ZNF142: variants seen among roughly 807,000 people sequenced by gnomAD.
ZNF142 encodes the protein zinc finger protein 142, also known as zinc finger protein 142 (clone pHZ-49).
Under a neutral mutation model 132.1 loss-of-function variants are expected in ZNF142, and 96 were observed. The ratio of observed to expected loss-of-function variants is 0.73; its 90% CI spans 0.62 to 0.86. The LOEUF is 0.86. ZNF142 is among the 40% of genes least tolerant of loss of function. The pLI, the probability that ZNF142 is intolerant of heterozygous loss-of-function variation, is 0.00. For synonymous variants in ZNF142, 842 were observed against 890.1 expected (o/e 0.95, Z 0.96); for missense variants, 2,163 against 2,336.2 (o/e 0.93, Z 1.53).
Position 218,638,809 on chromosome 2 carries a change from C to T in ZNF142, c.5195-1G>A, listed in dbSNP as rs1241455659. 2 of 1,588,866 alleles carry T rather than the reference C, an allele frequency of 1.3e-6. No individual in the cohort carries two copies. Among genetic ancestry groups the T allele is most frequent in the South Asian group, 2.2e-5 (2 of 89,472 alleles). On this transcript the variant is annotated splice_acceptor_variant, in intron 10 of 10. Transcript: ENST00000411696. LOFTEE classifies it high-confidence loss of function. ...TCGGGACACTGGTATGGCTTCAGTCCTACAGGACAGGGAACAAATCACCAT... is the reference window on the plus strand; with the variant it reads ...TCGGGACACTGGTATGGCTTCAGTCTTACAGGACAGGGAACAAATCACCAT...
rs1483108859 is a variant in ZNF142, at chr2:218,652,197, T to C, written c.384A>G (p.Ile128Met). ...LALHQCSETH[I>M]QPVQGLSSPP... ...GGCTAGAGAGGCCCTGCACAGGCTG[T>C]ATATGGGTCTCACTGCACTGGTGCA... The change falls in exon 5 of 11, where the codon ATA (isoleucine) becomes ATG (methionine). Residue 128 changes from isoleucine (I) to methionine (M), a missense_variant. Transcript: ENST00000411696. The C allele has an allele frequency of 2.2e-6, 1 of 456,516 alleles. No individual in the cohort carries two copies. The highest frequency in any genetic ancestry group is 4.4e-6 in the Non-Finnish European group (1 of 226,934). The allele number at this position is 456,516 out of a possible 1,614,324, so 28.3% of individuals were successfully genotyped here. A position where few individuals can be genotyped will look rare whatever the true frequency, so the allele number is the denominator to read the frequency against.
Position 218,643,575 on chromosome 2 carries a change from A to C in ZNF142, c.3541T>G (p.Phe1181Val), listed in dbSNP as rs1274066154. ...TTTCCTGCAGGAGGGACTGGGTCAA[A>C]GCAGTGCTTCTTAGGGGCCTCTGTG... ...LPTEAPKKHC[F>V]DPVPPAGNSS... Residue 1181 changes from phenylalanine (F) to valine (V), a missense_variant, in exon 9 of 11, where the codon TTT becomes GTT. Around this residue, in one of 7 missense-constraint regions of ZNF142, gnomAD observed 809 missense variants for 801.7 expected, o/e 1.01. Transcript: ENST00000411696. The C allele has an allele frequency of 1.3e-6, 2 of 1,589,638 alleles. No individual in the cohort carries two copies. The highest frequency in any genetic ancestry group is 2.7e-5 in the African/African-American group (2 of 73,954).
rs752060597 is a variant in ZNF142, at chr2:218,646,339, G to A, written c.1883C>T (p.Pro628Leu). 5 of 1,614,082 alleles carry A rather than the reference G, an allele frequency of 3.1e-6. No homozygotes were observed. Among genetic ancestry groups the A allele is most frequent in the Non-Finnish European group, 3.4e-6 (4 of 1,179,996 alleles). ...RHMLLHTGEK[P>L]HKCELCDFTC... is the part of the protein sequence containing the mutation. ...GAAGTCACACAGCTCACACTTGTGGGGCTTCTCACCTTATATGGGGGATGC... is the reference window on the plus strand; with the variant it reads ...GAAGTCACACAGCTCACACTTGTGGAGCTTCTCACCTTATATGGGGGATGC... Residue 628 changes from proline to leucine, a missense_variant, in exon 8 of 11, where the codon CCC (proline) becomes CTC (leucine). Coordinates refer to ENST00000411696, the MANE Select transcript of ZNF142 (RefSeq NM_001379659.1).
At chr2:218,639,850 T>C (rs1697027162) in intron 10 of ZNF142, among the ~76,000 whole-genome samples, 2 of 147,708 alleles carry the variant, frequency 1.4e-5, no homozygotes, top group Non-Finnish European at 3.0e-5. Flanking sequence ...GGTCAGGAGA[T>C]TGAGACCATT....
At position 218,633,641 on chromosome 2, in the gene ZNF142, C is replaced by T; in HGVS notation, c.*4698G>A. 1 of 1,613,654 alleles carries T rather than the reference C, an allele frequency of 6.2e-7. No individual in the cohort carries two copies. Among genetic ancestry groups the T allele is most frequent in the East Asian group, 2.2e-5 (1 of 44,886 alleles). Reference sequence around the variant, plus strand: ...CATCTTGTGTCCAGCCCTCTCTTCCCTGGTTATCTACTTGAAGTCTGTCTC... The same window carrying T: ...CATCTTGTGTCCAGCCCTCTCTTCCTTGGTTATCTACTTGAAGTCTGTCTC... On this transcript the variant is annotated 3_prime_UTR_variant, in exon 11 of 11. Coordinates refer to ENST00000411696, the MANE Select transcript of ZNF142 (RefSeq NM_001379659.1).
chr2:218,638,259 G>A lies in ZNF142; in HGVS notation c.*80C>T, dbSNP rs2106181845. The stretch of plus-strand genomic sequence containing the variant: ...AAAAGCCAGTCTTTCCTTAGGCTCT[G>A]AGCTCCTCAGGCTAGCGCTGGTCCC... On this transcript the variant is annotated 3_prime_UTR_variant, in exon 11 of 11. Coordinates refer to ENST00000411696, the MANE Select transcript of ZNF142 (RefSeq NM_001379659.1). The A allele has an allele frequency of 7.4e-7, 1 of 1,348,414 alleles. No individual in the cohort carries two copies. Among genetic ancestry groups the A allele is most frequent in the Non-Finnish European group, 9.7e-7 (1 of 1,032,966 alleles). The allele number at this position is 1,348,414 out of a possible 1,614,324, so 83.5% of individuals were successfully genotyped here.
rs60913477 is a variant in ZNF142, at chr2:218,653,276, C to CA, written c.281-977dup. Among the ~76,000 whole-genome samples, 82 of 141,418 alleles carry CA rather than the reference C, an allele frequency of 5.8e-4. 1 individual carries two copies. The highest frequency in any genetic ancestry group is 1.5e-3 in the Admixed American group (22 of 14,282). The allele number at this position is 141,418 out of a possible 152,430, so 92.8% of individuals were successfully genotyped here. On this transcript the variant is annotated intron_variant, in intron 4 of 10. Coordinates refer to ENST00000411696, the MANE Select transcript of ZNF142 (RefSeq NM_001379659.1). The stretch of plus-strand genomic sequence containing the variant: ...CCTGGCCAAGAGAGAGACTCTGTCT[C>CA]AAAAAAAAAAAAAATTTCAGGCCGG...
chr2:218,650,593 C>G, intron 5 of ZNF142, 67 bp from the exon 6 acceptor site: 1 of 1,416,656 alleles, frequency 7.1e-7, no homozygotes, highest in Non-Finnish European at 9.4e-7. Context: ...TTATACTTCT[C>G]TACCTACTGG....
intron 3 of ZNF142, among the ~76,000 whole-genome samples, chr2:218,658,297 T>TG (rs1003378777): frequency 2.6e-5 from 4 of 152,050 alleles, no homozygotes; most frequent in Admixed American, 2.6e-4. Context: ...CCCAGCACTT[T>TG]GGGAGGCCAA....
chr2:218,636,410 G>A lies in ZNF142; in HGVS notation c.*1929C>T, dbSNP rs2278530. The A allele has an allele frequency of 0.58, 940,386 of 1,613,546 alleles. 276,810 individuals carry two copies. Among genetic ancestry groups the A allele is most frequent in the East Asian group, 0.82 (36,980 of 44,852 alleles). On this transcript the variant is annotated 3_prime_UTR_variant, in exon 11 of 11. Transcript: ENST00000411696. ...GCAACAAGGTGAGCCAGCCCCTTTG[G>A]CCCCTGGCCAATACCCCAGCTCTGG...
Position 218,642,175 on chromosome 2 carries a change from C to T in ZNF142, c.4941G>A (p.Gly1647=), listed in dbSNP as rs1442021499. The change falls in exon 9 of 11, where the codon GGG becomes GGA. Residue 1647 remains glycine (G), a synonymous_variant. Transcript: ENST00000411696. This position sits in a 1 kb window ranked among gnomAD's most constrained non-coding sequence, Gnocchi z 4.6. ...CGGTGCACTTGTAGAGACGAGTGCC[C>T]CCATGCCCTTTCACATGGTGATCTA... ...LVLDHHVKGH[G]GTRLYKCTDC... is the part of the protein sequence containing the mutation. The T allele has an allele frequency of 1.2e-6, 2 of 1,614,118 alleles. No homozygotes were observed. Among genetic ancestry groups the T allele is most frequent in the South Asian group, 1.1e-5 (1 of 91,090 alleles).
intron 6 of ZNF142, 79 bp downstream of exon 6, chr2:218,650,280 C>A (rs1200515228): frequency 1.3e-6 from 2 of 1,579,934 alleles, no homozygotes; most frequent in African/African-American, 2.7e-5. Flanking sequence ...AGAAAACAAA[C>A]CCCAGAGCCT....
rs778828682 is a variant in ZNF142, at chr2:218,638,314, C to A, written c.*25G>T. 6.7e-7 allele frequency: 1 copy of A among 1,494,990 alleles called. No homozygotes were observed. Among genetic ancestry groups the A allele is most frequent in the Non-Finnish European group, 8.9e-7 (1 of 1,122,050 alleles). The allele number at this position is 1,494,990 out of a possible 1,614,324, so 92.6% of individuals were successfully genotyped here. ...TGCACATCTCAGACCATACCCTCTT[C>A]CTATACAGGAGGTGGGGCAGGCTTT... On this transcript the variant is annotated 3_prime_UTR_variant, in exon 11 of 11. Coordinates refer to ENST00000411696, the MANE Select transcript of ZNF142 (RefSeq NM_001379659.1).
At position 218,647,336 on chromosome 2, in the gene ZNF142, T is replaced by C. The variant is rs547929138; in HGVS notation, c.1874-988A>G. ...TACTCGGGAGGCTGAGGCAGGAGAA[T>C]GGCGTGAACCCAGGAGGTGGAGCTT... On this transcript the variant is annotated intron_variant, in intron 7 of 10. Transcript: ENST00000411696. Among the ~76,000 whole-genome samples the C allele has an allele frequency of 6.4e-5, 9 of 141,386 alleles. No individual in the cohort carries two copies. The East Asian group carries it at 1.7e-3, about 27-fold the overall frequency. 92.8% of individuals were successfully genotyped at this position (141,386 alleles called of 152,430 possible). A position where few individuals can be genotyped will look rare whatever the true frequency, so the allele number is the denominator to read the frequency against.
rs111986462 is a variant in ZNF142 at position 218,653,395 on chromosome 2, T to C, written c.281-1095A>G. Among the ~76,000 whole-genome samples, 1,439 of 151,600 alleles carry C rather than the reference T, an allele frequency of 9.5e-3. 17 individuals carry two copies. The highest frequency in any genetic ancestry group is 0.015 in the Non-Finnish European group (1,043 of 67,916). ...GAGTTTGAGACCAGCCTGACCAACA[T>C]GGCGAAACCCCGTCTCTACTAAAAA... On this transcript the variant is annotated intron_variant, in intron 4 of 10. Transcript: ENST00000411696.
Position 218,644,159 on chromosome 2 carries a change from G to A in ZNF142, c.2957C>T (p.Thr986Ile). The A allele has an allele frequency of 6.2e-7, 1 of 1,614,132 alleles. No homozygotes were observed. The highest frequency in any genetic ancestry group is 8.5e-7 in the Non-Finnish European group (1 of 1,180,014). Residue 986 changes from threonine (T) to isoleucine (I), a missense_variant, in exon 9 of 11, where the codon ACT becomes ATT. Transcript: ENST00000411696. The surrounding 1 kb of genome is among the most constrained non-coding windows in gnomAD (Gnocchi z 4.6). ...PNNWVGTFKT[T>I]PPAETAPLPP... ...CAAGGGTGCTGTCTCAGCAGGTGGA[G>A]TTGTCTTGAAGGTTCCTACCCAGTT... is the stretch of plus-strand genomic sequence containing the variant.
At position 218,637,869 on chromosome 2, in the gene ZNF142, G is replaced by A. The variant is rs1696847831; in HGVS notation, c.*470C>T. ...CAGAGTTGATCAAGATGACAGCCTG[G>A]AAATGTTAAGACAGGGATTTGGATG... On this transcript the variant is annotated 3_prime_UTR_variant, in exon 11 of 11. Coordinates refer to ENST00000411696, the MANE Select transcript of ZNF142 (RefSeq NM_001379659.1). 1 of 152,826 alleles carries A rather than the reference G, an allele frequency of 6.5e-6. No homozygotes were observed. Among genetic ancestry groups the A allele is most frequent in the South Asian group, 2.1e-4 (1 of 4,840 alleles). 9.5% of individuals were successfully genotyped at this position (152,826 alleles called of 1,614,324 possible). A position where few individuals can be genotyped will look rare whatever the true frequency, so the allele number is the denominator to read the frequency against.
At position 218,636,892 on chromosome 2, in the gene ZNF142, T is replaced by G. The variant is rs900210290; in HGVS notation, c.*1447A>C. On this transcript the variant is annotated 3_prime_UTR_variant, in exon 11 of 11. Transcript: ENST00000411696. ...CCCATACCGACATCTACAACTAATC[T>G]TTCCCATCAACTCTGTGTGAAGGCA... The G allele has an allele frequency of 6.3e-6, 3 of 478,218 alleles. No individual in the cohort carries two copies. In the Admixed American group the frequency reaches 7.0e-5, roughly 11 times the overall value. 29.6% of individuals were successfully genotyped at this position (478,218 alleles called of 1,614,324 possible).
In ZNF142 at chr2:218,642,909, G is replaced by A; in HGVS notation, c.4207C>T (p.Pro1403Ser). Reference protein sequence around the residue: ...KHEGVKPHQCPFCDFSTTRRY... With the variant: ...KHEGVKPHQCSFCDFSTTRRY... Reference sequence around the variant, plus strand: ...CTGGTGGTCGAAAAGTCACAGAAGGGGCACTGATGGGGCTTCACCCCCTCG... The same window carrying A: ...CTGGTGGTCGAAAAGTCACAGAAGGAGCACTGATGGGGCTTCACCCCCTCG... The change falls in exon 9 of 11, where the codon CCC (proline) becomes TCC (serine). Residue 1403 changes from proline to serine, a missense_variant. Coordinates refer to ENST00000411696, the MANE Select transcript of ZNF142 (RefSeq NM_001379659.1). This position sits in a 1 kb window ranked among gnomAD's most constrained non-coding sequence, Gnocchi z 4.6. 6.2e-7 allele frequency: 1 copy of A among 1,613,924 alleles called. No homozygotes were observed. Among genetic ancestry groups the A allele is most frequent in the Non-Finnish European group, 8.5e-7 (1 of 1,180,018 alleles).
Sources: gnomAD v4.1 joint callset for allele counts (sites outside exome capture counted in the v4.1 genomes callset) on GRCh38, gnomAD v4.1.1 for gene constraint, gnomAD v4.1.1 regional missense constraint, Gnocchi (gnomAD v3.1) non-coding constraint, MANE v1.5 for transcripts, NCBI Gene and HGNC (gene_info 2026-07-23, HGNC 2026-07-21) for gene names.